EML4: variants seen among roughly 807,000 people sequenced by gnomAD.
EML4 encodes the protein EMAP like 4, also known as echinoderm microtubule-associated protein-like 4.
A neutral mutation model predicts 129.0 loss-of-function variants in EML4; 72 were observed. The ratio of observed to expected loss-of-function variants is 0.56; its 90% CI spans 0.46 to 0.68. The LOEUF is 0.68. Ranked by LOEUF, EML4 falls within the 30% of genes least tolerant of loss-of-function variation. The pLI is 0.00. For synonymous variants in EML4, 532 were observed against 405.0 expected (o/e 1.31, Z -3.77); for missense variants, 1,363 against 1,190.6 (o/e 1.14, Z -2.13).
chr2:42,206,030 C>T (rs886222983), intron 1 of EML4, among the ~76,000 whole-genome samples: 2 of 152,150 alleles, frequency 1.3e-5, no homozygotes, highest in Non-Finnish European at 2.9e-5. Flanking sequence ...GCACTTACTG[C>T]ATTTATCACT....
chr2:42,267,489 C>G (rs573525110), intron 6 of EML4, among the ~76,000 whole-genome samples: 2 of 152,240 alleles, frequency 1.3e-5, no homozygotes, highest in South Asian at 4.1e-4. Context: ...TGGCTTGTTC[C>G]AAATCATCTG....
At chr2:42,245,484 A>ATATTT (rs772354077) in intron 1 of EML4, 21 bp from the exon 2 acceptor site, 68 of 1,538,652 alleles carry the variant, frequency 4.4e-5, no homozygotes, top group Admixed American at 7.3e-5. Flanking sequence ...AAAATATTCC[A>ATATTT]TATTTTATTT....
At chr2:42,292,582 G>A (rs895998397) in intron 11 of EML4, among the ~76,000 whole-genome samples, 3 of 152,212 alleles carry the variant, frequency 2.0e-5, no homozygotes, top group Admixed American at 2.0e-4. Context: ...TTGCTGCTAA[G>A]AGTCAGGATG....
rs180961931 is a variant in EML4 at position 42,252,979 on chromosome 2, A to G, written c.209-3522A>G. ...TCCTTGATGTCAGTAACTGCCTTATATATGTTTGTAAACATAAGAGTAGGA... is the reference window on the plus strand; with the variant it reads ...TCCTTGATGTCAGTAACTGCCTTATGTATGTTTGTAAACATAAGAGTAGGA... On this transcript the variant is annotated intron_variant, in intron 2 of 22. Coordinates refer to ENST00000318522, the MANE Select transcript of EML4 (RefSeq NM_019063.5). Among the ~76,000 whole-genome samples, 156 of 152,218 alleles carry G rather than the reference A, an allele frequency of 1.0e-3. 1 individual carries two copies. The highest frequency in any genetic ancestry group is 2.9e-4 in the Non-Finnish European group (20 of 68,014).
chr2:42,198,018 C>A (rs1254838945), intron 1 of EML4, among the ~76,000 whole-genome samples: 1 of 152,148 alleles, frequency 6.6e-6, no homozygotes, highest in Non-Finnish European at 1.5e-5. Context: ...TTTAATCTTT[C>A]TGTGTGCCCC....
chr2:42,295,366 A>G lies in EML4; in HGVS notation c.1354-15A>G. On this transcript the variant is annotated splice_polypyrimidine_tract_variant and intron_variant, in intron 12 of 22. Transcript: ENST00000318522. Reference sequence around the variant, plus strand: ...GGCAAAAAGAAAACTGAAAATTTTTATTGTTTCCTTGTAGAAATATGAAAA... The same window carrying G: ...GGCAAAAAGAAAACTGAAAATTTTTGTTGTTTCCTTGTAGAAATATGAAAA... 1.2e-6 allele frequency: 2 copies of G among 1,604,338 alleles called. No homozygotes were observed. Among genetic ancestry groups the G allele is most frequent in the South Asian group, 1.1e-5 (1 of 88,476 alleles).
intron 1 of EML4, among the ~76,000 whole-genome samples, chr2:42,216,715 A>G (rs1448890904): frequency 1.3e-5 from 2 of 152,210 alleles, no homozygotes; most frequent in Non-Finnish European, 2.9e-5. Flanking sequence ...TAGCCAAACA[A>G]TGAGTGCTTG....
At chr2:42,205,879 C>T (rs1033748104) in intron 1 of EML4, among the ~76,000 whole-genome samples, 1 of 152,068 alleles carries the variant, frequency 6.6e-6, no homozygotes, top group African/African-American at 2.4e-5. Context: ...GTCATTTATC[C>T]ACAAATATTC....
Position 42,325,547 on chromosome 2 carries a change from A to G in EML4, c.2235A>G (p.Ile745Met), listed in dbSNP as rs2103829124. The G allele has an allele frequency of 7.4e-7, 1 of 1,349,448 alleles. No individual in the cohort carries two copies. The highest frequency in any genetic ancestry group is 1.0e-6 in the Non-Finnish European group (1 of 968,226). 83.6% of individuals were successfully genotyped at this position (1,349,448 alleles called of 1,614,324 possible). The change falls in exon 20 of 23, where the codon ATA (isoleucine) becomes ATG (methionine). Residue 745 changes from isoleucine (I) to methionine (M), a missense_variant. Physicochemically the swap from Ile to Met is conservative, Grantham distance 10. Transcript: ENST00000318522. ...TGTCTAACTCGGGAGACTATGAAAT[A>G]TTGTACTGTAAGTATGAATGATTTT... ...YIMSNSGDYEILYWDIPNGCK... is the reference protein window; with the variant it reads ...YIMSNSGDYEMLYWDIPNGCK...
At chr2:42,322,586 C>G (rs1445235066) in intron 19 of EML4, among the ~76,000 whole-genome samples, 2 of 152,228 alleles carry the variant, frequency 1.3e-5, no homozygotes, top group Non-Finnish European at 1.5e-5. Flanking sequence ...TATTCTTTCA[C>G]TTTGTCACTT....
intron 6 of EML4, among the ~76,000 whole-genome samples, chr2:42,268,625 G>A (rs927205896): frequency 1.3e-5 from 2 of 151,934 alleles, no homozygotes; most frequent in African/African-American, 4.8e-5. Flanking sequence ...CTTTATAGAG[G>A]CAGGGTGTCA....
At chr2:42,231,038 T>C (rs7605663) in intron 1 of EML4, among the ~76,000 whole-genome samples, 100,167 of 151,954 alleles carry the variant, frequency 0.66, 33,421 homozygotes, top group East Asian at 0.75. Context: ...CACCCCCGTC[T>C]GGTTAAACCC....
chr2:42,284,681 C>G lies in EML4; in HGVS notation c.989C>G (p.Ala330Gly). 5 of 1,612,660 alleles carry G rather than the reference C, an allele frequency of 3.1e-6. No individual in the cohort carries two copies. Among genetic ancestry groups the G allele is most frequent in the Non-Finnish European group, 2.5e-6 (3 of 1,179,294 alleles). ...ATTAGGATTGCAACTGGACAGATAG[C>G]TGGCGTGGATAAAGATGGAAGGGTG... ...DKIRIATGQI[A>G]GVDKDGRPLQ... Residue 330 changes from alanine to glycine, a missense_variant, in exon 9 of 23, where the codon GCT becomes GGT. Ala to Gly is a moderately conservative substitution (Grantham distance 60, BLOSUM62 0). Transcript: ENST00000318522.
intron 1 of EML4, among the ~76,000 whole-genome samples, chr2:42,192,380 C>G (rs1671646220): frequency 6.6e-6 from 1 of 151,808 alleles, no homozygotes; most frequent in Admixed American, 6.6e-5. Flanking sequence ...GGTGGGATTG[C>G]AGGCACCCAC....
intron 2 of EML4, among the ~76,000 whole-genome samples, chr2:42,255,261 A>G (rs1676056247): frequency 6.6e-6 from 1 of 151,518 alleles, no homozygotes; most frequent in Admixed American, 6.6e-5. Context: ...AATTTTTTGT[A>G]TTTTTAGTAG....
intron 11 of EML4, among the ~76,000 whole-genome samples, chr2:42,293,255 C>T (rs533028895): frequency 1.7e-4 from 26 of 152,028 alleles, no homozygotes; most frequent in Non-Finnish European, 2.9e-4. Context: ...AACTACAGCG[C>T]GCACCGCCAC....
intron 1 of EML4, among the ~76,000 whole-genome samples, chr2:42,172,333 A>C (rs1044180257): frequency 6.6e-6 from 1 of 152,216 alleles, no homozygotes; most frequent in African/African-American, 2.4e-5. Context: ...TGATTGTTGC[A>C]TGTTTAGATA....
intron 1 of EML4, among the ~76,000 whole-genome samples, chr2:42,242,729 CTT>C (rs1491320780): frequency 6.6e-6 from 1 of 150,772 alleles, no homozygotes; most frequent in African/African-American, 2.4e-5. Flanking sequence ...TTTCTCTTCT[CTT>C]CTCGTCTCGT....
intron 6 of EML4, among the ~76,000 whole-genome samples, chr2:42,280,109 A>T (rs943450651): frequency 2.5e-4 from 38 of 152,186 alleles, no homozygotes; most frequent in Non-Finnish European, 4.6e-4. Context: ...ATGCCGTTTA[A>T]CATCTGTAGG....
Sources: gnomAD v4.1 joint callset for allele counts (sites outside exome capture counted in the v4.1 genomes callset) on GRCh38, gnomAD v4.1.1 for gene constraint, MANE v1.5 for transcripts, NCBI Gene and HGNC (gene_info 2026-07-23, HGNC 2026-07-21) for gene names.